The following ENOPH1 variants were observed in gnomAD, a reference collection of about 807,000 sequenced individuals.
The protein encoded by ENOPH1 is enolase-phosphatase E1.
ENOPH1 carries 14 observed loss-of-function variants against 31.1 expected under a neutral mutation model. The observed-to-expected ratio is 0.45, with a 90% CI of 0.30 to 0.70. ENOPH1 has a LOEUF of 0.70. ENOPH1 is among the 30% of genes least tolerant of loss of function. ENOPH1 has a pLI of 0.09. For synonymous variants in ENOPH1, 127 were observed against 123.2 expected (o/e 1.03, Z -0.21); for missense variants, 243 against 321.5 (o/e 0.76, Z 1.87).
chr4:82,446,861 C>T (rs6853973), intron 1 of ENOPH1, among the ~76,000 whole-genome samples: 14,984 of 149,600 alleles, frequency 0.1, 1,603 homozygotes, highest in African/African-American at 0.27. Flanking sequence ...CGCCCGCCAC[C>T]GCGCCCGGCT....
Position 82,460,039 on chromosome 4 carries a change from C to T in ENOPH1, c.705C>T (p.Asn235=), listed in dbSNP as rs779445540. The change falls in exon 6 of 6, where the codon AAC becomes AAT. Residue 235 remains asparagine (N), a synonymous_variant. Transcript: ENST00000273920. ...TAGCTGTGGTGGTGAGACCAGGCAA[C>T]GCAGGATTAACAGATGATGAGAAGA... ...VHVAVVVRPG[N]AGLTDDEKTY... 2.5e-5 allele frequency: 40 copies of T among 1,613,996 alleles called. No homozygotes were observed. Among genetic ancestry groups the T allele is most frequent in the Non-Finnish European group, 2.9e-5 (34 of 1,180,032 alleles).
At chr4:82,440,670 C>G (rs1722016117) in intron 1 of ENOPH1, among the ~76,000 whole-genome samples, 1 of 152,222 alleles carries the variant, frequency 6.6e-6, no homozygotes, top group Non-Finnish European at 1.5e-5. Context: ...TAAAACCTTA[C>G]TCCAATTACT....
At position 82,451,252 on chromosome 4, in the gene ENOPH1, G is replaced by A. The variant is rs1194640666; in HGVS notation, c.389+7G>A. ...CTGGGCGCATGAAAGCAGAGTATGT[G>A]CTTGAGTCAGCCTAAACATTTCACC... is the stretch of plus-strand genomic sequence containing the variant. On this transcript the variant is annotated splice_region_variant and intron_variant, in intron 3 of 5. Coordinates refer to ENST00000273920, the MANE Select transcript of ENOPH1 (RefSeq NM_021204.5). 3 of 1,613,546 alleles carry A rather than the reference G, an allele frequency of 1.9e-6. No individual in the cohort carries two copies. The highest frequency in any genetic ancestry group is 2.5e-6 in the Non-Finnish European group (3 of 1,179,670).
rs753970222 is a variant in ENOPH1 at position 82,451,028 on chromosome 4, G to A, written c.187-15G>A. 1 of 1,608,342 alleles carries A rather than the reference G, an allele frequency of 6.2e-7. No homozygotes were observed. The highest frequency in any genetic ancestry group is 8.5e-7 in the Non-Finnish European group (1 of 1,176,060). ...ATAAGCAAAAAACAAACATCATGTT[G>A]TTTCTGACTTAAAGGCTGAAGAGGA... On this transcript the variant is annotated splice_polypyrimidine_tract_variant and intron_variant, in intron 2 of 5. Coordinates refer to ENST00000273920, the MANE Select transcript of ENOPH1 (RefSeq NM_021204.5).
At chr4:82,438,334 C>G (rs1260683638) in intron 1 of ENOPH1, among the ~76,000 whole-genome samples, 4 of 152,086 alleles carry the variant, frequency 2.6e-5, no homozygotes, top group African/African-American at 4.8e-5. Context: ...TCATACAGAT[C>G]TTTGAAAGAT....
chr4:82,449,233 C>G (rs1018239494), intron 2 of ENOPH1, among the ~76,000 whole-genome samples: 1 of 152,114 alleles, frequency 6.6e-6, no homozygotes, highest in African/African-American at 2.4e-5. Context: ...GAGCAAGACT[C>G]CGTCTCAAAA....
At chr4:82,448,103 G>A (rs928873615) in intron 2 of ENOPH1, 82 bp downstream of exon 2, 2 of 906,802 alleles carry the variant, frequency 2.2e-6, no homozygotes, top group African/African-American at 3.4e-5. Flanking sequence ...TGAGCATTTT[G>A]TAAAATAAGT....
intron 1 of ENOPH1, among the ~76,000 whole-genome samples, chr4:82,447,043 T>C (rs1327618923): frequency 6.6e-6 from 1 of 151,640 alleles, no homozygotes; most frequent in Non-Finnish European, 1.5e-5. Context: ...TGGAATACAA[T>C]GATGGGATCT....
intron 1 of ENOPH1, among the ~76,000 whole-genome samples, chr4:82,437,771 A>G (rs942736053): frequency 1.3e-5 from 2 of 152,234 alleles, no homozygotes; most frequent in African/African-American, 4.8e-5. Context: ...TCAAGGGCAG[A>G]GACCAGAGCC....
At chr4:82,455,577 G>A (rs1039818090) in intron 4 of ENOPH1, among the ~76,000 whole-genome samples, 3 of 151,858 alleles carry the variant, frequency 2.0e-5, no homozygotes, top group East Asian at 3.9e-4. Context: ...TCAGGAGATC[G>A]AGACCATCCT....
At chr4:82,452,581 C>T (rs187253956) in intron 3 of ENOPH1, among the ~76,000 whole-genome samples, 2 of 152,206 alleles carry the variant, frequency 1.3e-5, no homozygotes, top group East Asian at 1.9e-4. Flanking sequence ...GTATGAGCCA[C>T]CCCTCCCGGC....
At chr4:82,453,118 C>A (rs182533521) in intron 3 of ENOPH1, among the ~76,000 whole-genome samples, 1 of 151,696 alleles carries the variant, frequency 6.6e-6, no homozygotes, top group East Asian at 1.9e-4. Flanking sequence ...AGCCAGGATG[C>A]TCTCGATCTC....
At chr4:82,457,983 C>T (rs1722533637) in intron 5 of ENOPH1, among the ~76,000 whole-genome samples, 1 of 152,110 alleles carries the variant, frequency 6.6e-6, no homozygotes, top group South Asian at 2.1e-4. Context: ...GAAATAATCC[C>T]TAAATTGGCT....
intron 2 of ENOPH1, among the ~76,000 whole-genome samples, chr4:82,448,236 GTTTT>G (rs540208994): frequency 6.7e-6 from 1 of 148,866 alleles, no homozygotes; most frequent in African/African-American, 2.5e-5. Flanking sequence ...CTCTTTGGTT[GTTTT>G]TTTTTGTTTT....
intron 3 of ENOPH1, among the ~76,000 whole-genome samples, chr4:82,453,386 G>A (rs1722405092): frequency 6.6e-6 from 1 of 152,154 alleles, no homozygotes; most frequent in African/African-American, 2.4e-5. Flanking sequence ...CCAGTGATCT[G>A]GGAATATCAG....
At chr4:82,448,161 C>CT (rs374331404) in intron 2 of ENOPH1, 140 bp downstream of exon 2, 20 of 515,166 alleles carry the variant, frequency 3.9e-5, no homozygotes, top group African/African-American at 2.9e-4. Context: ...AGTGAGTTGC[C>CT]TGCTTAGGAA....
chr4:82,456,476 G>A (rs1273496788), intron 4 of ENOPH1, among the ~76,000 whole-genome samples: 1 of 152,170 alleles, frequency 6.6e-6, no homozygotes, highest in African/African-American at 2.4e-5. Flanking sequence ...AGAATTTCTT[G>A]TAAGTAAAAT....
At chr4:82,447,864 A>G in intron 1 of ENOPH1, 56 bp from the exon 2 acceptor site, 1 of 1,056,938 alleles carries the variant, frequency 9.5e-7, no homozygotes, top group Non-Finnish European at 1.4e-6. Flanking sequence ...GAAGAACTGG[A>G]TCTTTTACAA....
chr4:82,439,430 CT>C (rs1475680321), intron 1 of ENOPH1, among the ~76,000 whole-genome samples: 2 of 152,202 alleles, frequency 1.3e-5, no homozygotes, highest in African/African-American at 2.4e-5. Context: ...CTTGTGTATA[CT>C]TACTCCAGCT....
Sources: gnomAD v4.1 joint callset for allele counts (sites outside exome capture counted in the v4.1 genomes callset) on GRCh38, gnomAD v4.1.1 for gene constraint, MANE v1.5 for transcripts, NCBI Gene and HGNC (gene_info 2026-07-23, HGNC 2026-07-21) for gene names.